The following LPIN1 variants were observed in gnomAD, a reference collection of about 807,000 sequenced individuals.
LPIN1 encodes the protein lipin 1, also known as phosphatidate phosphatase LPIN1.
In LPIN1, 71 loss-of-function variants were observed where a neutral mutation model predicts 107.5. The ratio of observed to expected loss-of-function variants is 0.66; its 90% CI spans 0.55 to 0.80. The LOEUF (loss-of-function observed/expected upper bound fraction) is 0.80. Ranked by LOEUF, LPIN1 falls within the 30% of genes least tolerant of loss-of-function variation. The pLI is 0.00. For missense variants in LPIN1, 1,043 were observed against 1,160.6 expected (o/e 0.90, Z 1.47); for synonymous variants, 445 against 452.6 (o/e 0.98, Z 0.21).
intron 1 of LPIN1, among the ~76,000 whole-genome samples, chr2:11,688,397 T>A (rs1203598873): frequency 3.9e-5 from 6 of 152,322 alleles, no homozygotes; most frequent in African/African-American, 1.4e-4. Context: ...AGAATTCTTT[T>A]CAGAGCAGCA....
upstream of LPIN1, among the ~76,000 whole-genome samples, chr2:11,744,493 C>T (rs1285720380): frequency 3.9e-5 from 6 of 152,186 alleles, no homozygotes; most frequent in African/African-American, 1.2e-4. Context: ...AGCAGCGGGA[C>T]CTAATTTGCT....
At chr2:11,762,532 C>G (rs1046489865) in intron 1 of LPIN1, among the ~76,000 whole-genome samples, 2 of 152,082 alleles carry the variant, frequency 1.3e-5, no homozygotes, top group East Asian at 1.9e-4. Context: ...TCCGAGAGTC[C>G]TCTGATTAAA....
chr2:11,741,905 G>C (rs1666403237), upstream of LPIN1: 1 of 152,908 alleles, frequency 6.5e-6, no homozygotes, highest in African/African-American at 2.4e-5. Context: ...TCATTCGTCA[G>C]TGATAAGTCC....
intron 20 of LPIN1, among the ~76,000 whole-genome samples, chr2:11,820,778 A>C (rs570221209): frequency 6.6e-6 from 1 of 152,336 alleles, no homozygotes; most frequent in African/African-American, 2.4e-5. Flanking sequence ...TGAATTTGAA[A>C]ACTAGTAGTT....
At chr2:11,683,199 C>T (rs976962343) in intron 1 of LPIN1, 6 of 152,150 alleles carry the variant, frequency 3.9e-5, no homozygotes, top group Admixed American at 2.0e-4. Flanking sequence ...CTATTATTGC[C>T]GTTTAACTTG....
rs574484695 is a variant in LPIN1 at position 11,792,641 on chromosome 2, C to T, written c.1806+635C>T. Among the ~76,000 whole-genome samples the T allele has an allele frequency of 1.3e-4, 20 of 152,204 alleles. 1 individual carries two copies. Among genetic ancestry groups the T allele is most frequent in the Admixed American group, 3.3e-4 (5 of 15,292 alleles). ...CAAGCGATCTGCCTGCCTAGGCCTCCGAAAGTGTTGGCATTACAGGCGTGA... is the reference window on the plus strand; with the variant it reads ...CAAGCGATCTGCCTGCCTAGGCCTCTGAAAGTGTTGGCATTACAGGCGTGA... On this transcript the variant is annotated intron_variant, in intron 13 of 20. Transcript: ENST00000674199.
In LPIN1 at chr2:11,697,052, AG is replaced by A. The variant is rs1662622956; in HGVS notation, c.82-16701del. Among the ~76,000 whole-genome samples the A allele has an allele frequency of 6.6e-6, 1 of 152,222 alleles. No individual in the cohort carries two copies. The highest frequency in any genetic ancestry group is 6.5e-5 in the Admixed American group (1 of 15,290). On this transcript the variant is annotated intron_variant, in intron 1 of 21. Coordinates refer to the LPIN1 transcript ENST00000449576. The surrounding 1 kb of genome is among the most constrained non-coding windows in gnomAD (Gnocchi z 4.6). ...CCTCTGGGTCCCCCACCTGTGGCCCAGGGAAGGCTCTTTGTTCCTCAGCCCC... is the reference window on the plus strand; with the variant it reads ...CCTCTGGGTCCCCCACCTGTGGCCCAGGAAGGCTCTTTGTTCCTCAGCCCC...
chr2:11,683,228 C>T (rs10929765), intron 1 of LPIN1: 53,347 of 152,124 alleles, frequency 0.35, 10,128 homozygotes, highest in East Asian at 0.55. Context: ...GGTTCTGCAC[C>T]CCTGCAGGCT....
intron 14 of LPIN1, 45 bp from the exon 15 acceptor site, chr2:11,802,862 C>G: frequency 6.2e-7 from 1 of 1,608,540 alleles, no homozygotes; most frequent in Non-Finnish European, 8.5e-7. Flanking sequence ...TCATGGCTAC[C>G]CAGATGCATT....
At chr2:11,801,965 C>T (rs1677826122) in intron 14 of LPIN1, among the ~76,000 whole-genome samples, 1 of 151,954 alleles carries the variant, frequency 6.6e-6, no homozygotes, top group African/African-American at 2.4e-5. Context: ...TAAGCTGGAG[C>T]TCTGTGTATA....
At chr2:11,709,475 T>G (rs1347825857) in intron 1 of LPIN1, among the ~76,000 whole-genome samples, 1 of 152,204 alleles carries the variant, frequency 6.6e-6, no homozygotes, top group African/African-American at 2.4e-5. Flanking sequence ...TCCTCTCACA[T>G]TTTGGACAGT....
At chr2:11,753,676 C>A (rs771866222) in intron 1 of LPIN1, among the ~76,000 whole-genome samples, 1 of 152,232 alleles carries the variant, frequency 6.6e-6, no homozygotes, top group Non-Finnish European at 1.5e-5. Context: ...ACAGGTAATT[C>A]ATCACCCTTA....
chr2:11,766,433 G>A (rs963983729), intron 2 of LPIN1, among the ~76,000 whole-genome samples: 4 of 152,246 alleles, frequency 2.6e-5, no homozygotes, highest in Non-Finnish European at 5.9e-5. Context: ...AGGCTGGGAA[G>A]TGTAGCCTCC....
chr2:11,691,467 A>G (rs56387825), intron 1 of LPIN1, among the ~76,000 whole-genome samples: 26,537 of 151,984 alleles, frequency 0.17, 2,961 homozygotes, highest in South Asian at 0.26. Context: ...TGTCCCATCT[A>G]TGCTTTCCTC....
chr2:11,784,571 T>G (rs1406911095), intron 9 of LPIN1: 2 of 506,838 alleles, frequency 3.9e-6, no homozygotes, highest in Admixed American at 3.6e-5. Context: ...CCACCCTCAG[T>G]CCCCCTGCGA....
chr2:11,824,037 T>C (rs1431978094), intron 20 of LPIN1, among the ~76,000 whole-genome samples: 1 of 152,192 alleles, frequency 6.6e-6, no homozygotes, highest in African/African-American at 2.4e-5. Flanking sequence ...ATTATTTTAA[T>C]GTTGCATATG....
At position 11,824,897 on chromosome 2, in the gene LPIN1, T is replaced by C; in HGVS notation, c.*106T>C. ...CTCCACCTGGGAGCCTGGCGCGTCA[T>C]CATTGGCCTGACAGCAGAGAGAATT... On this transcript the variant is annotated 3_prime_UTR_variant, in exon 21 of 21. Transcript: ENST00000674199. 7.7e-7 allele frequency: 1 copy of C among 1,296,688 alleles called. No homozygotes were observed. Among genetic ancestry groups the C allele is most frequent in the Non-Finnish European group, 1.1e-6 (1 of 907,262 alleles). 80.3% of individuals were successfully genotyped at this position (1,296,688 alleles called of 1,614,324 possible). A position where few individuals can be genotyped will look rare whatever the true frequency, so the allele number is the denominator to read the frequency against.
chr2:11,723,906 G>A (rs114368096), upstream of LPIN1: 1 of 151,950 alleles, frequency 6.6e-6, no homozygotes, highest in Non-Finnish European at 1.5e-5. Flanking sequence ...CTCTGATTTA[G>A]GCATCTTGAT....
At chr2:11,784,444 G>A (rs1334345524) in intron 9 of LPIN1, 81 of 1,111,108 alleles carry the variant, frequency 7.3e-5, no homozygotes, top group Non-Finnish European at 8.8e-5. Context: ...GCACCGGGCT[G>A]CCCTCCCTGC....
Sources: gnomAD v4.1 joint callset for allele counts (sites outside exome capture counted in the v4.1 genomes callset) on GRCh38, gnomAD v4.1.1 for gene constraint, Gnocchi (gnomAD v3.1) non-coding constraint, MANE v1.5 for transcripts, NCBI Gene and HGNC (gene_info 2026-07-23, HGNC 2026-07-21) for gene names.